Variants in ANAPC7 observed in about 807,000 individuals in gnomAD.
The protein encoded by ANAPC7 is anaphase-promoting complex subunit 7.
In ANAPC7, 25 loss-of-function variants were observed where a neutral mutation model predicts 63.3. The observed-to-expected ratio is 0.39, with a 90% CI of 0.29 to 0.55. The LOEUF (loss-of-function observed/expected upper bound fraction) is 0.55. Ranked by LOEUF, ANAPC7 falls within the 20% of genes least tolerant of loss-of-function variation. ANAPC7 has a pLI of 0.57. For synonymous variants in ANAPC7, 241 were observed against 251.7 expected, an observed-to-expected ratio of 0.96 and a Z score of 0.40; for missense variants, 516 against 691.7, an observed-to-expected ratio of 0.75 and a Z score of 2.85.
rs746900196 is a variant in ANAPC7, at chr12:110,387,789, C to T, written c.624G>A (p.Ala208=). The change falls in exon 5 of 11, where the codon GCG becomes GCA. Residue 208 remains alanine (A), a synonymous_variant. Transcript: ENST00000455511. Reference sequence around the variant, plus strand: ...TGTCACCAGTGTGCACAAAAGCATACGCTTTGATCCACACAGAGAGCCAGT... The same window carrying T: ...TGTCACCAGTGTGCACAAAAGCATATGCTTTGATCCACACAGAGAGCCAGT... ...NLDWLSVWIK[A]YAFVHTGDNS... 89 of 1,614,010 alleles carry T rather than the reference C, an allele frequency of 5.5e-5. No individual in the cohort carries two copies. The highest frequency in any genetic ancestry group is 8.9e-5 in the East Asian group (4 of 44,898).
chr12:110,398,694 C>A (rs2062178175), intron 1 of ANAPC7, among the ~76,000 whole-genome samples: 1 of 152,126 alleles, frequency 6.6e-6, no homozygotes. Flanking sequence ...GTGGCTCATG[C>A]CTGTTGTAAT....
chr12:110,378,859 A>AC (rs1881550783), intron 8 of ANAPC7: 1 of 136,496 alleles, frequency 7.3e-6, no homozygotes, highest in East Asian at 2.1e-4. Context: ...AACTCTAACT[A>AC]TTTTTTTTTT....
At chr12:110,375,588 A>C (rs1881190700) in intron 10 of ANAPC7, 1 of 773,746 alleles carries the variant, frequency 1.3e-6, no homozygotes, top group African/African-American at 1.9e-5. Context: ...ATATCTAATA[A>C]GGTAGCTAGA....
chr12:110,386,257 C>CAT (rs1246873689), intron 6 of ANAPC7, 70 bp downstream of exon 6: 1 of 1,586,610 alleles, frequency 6.3e-7, no homozygotes, highest in Non-Finnish European at 8.6e-7. Flanking sequence ...ATTAATGCTG[C>CAT]ATATTCTCCC....
At chr12:110,375,867 C>A in intron 10 of ANAPC7, 199 bp downstream of exon 10, 1 of 1,295,254 alleles carries the variant, frequency 7.7e-7, no homozygotes, top group Admixed American at 3.5e-5. Context: ...TGAAACAGTT[C>A]TCTAATGTTG....
chr12:110,386,683 AAT>A (rs1882483394), intron 5 of ANAPC7: 2 of 475,880 alleles, frequency 4.2e-6, no homozygotes, highest in African/African-American at 4.0e-5. Context: ...AGTACCAACA[AAT>A]AACTCTGTGG....
chr12:110,373,898 G>A lies in ANAPC7; in HGVS notation c.*246C>T, dbSNP rs1881022639. 3 of 418,458 alleles carry A rather than the reference G, an allele frequency of 7.2e-6. No homozygotes were observed. In the South Asian group the frequency reaches 2.6e-4, roughly 37 times the overall value. 25.9% of individuals were successfully genotyped at this position (418,458 alleles called of 1,614,324 possible). ...GCCCAGAAGCCCCAACATGTGCGTG[G>A]GTCTCGGGGCACTCCCTCAGTCCTC... On this transcript the variant is annotated 3_prime_UTR_variant, in exon 11 of 11. Transcript: ENST00000455511.
At chr12:110,377,902 A>C in intron 8 of ANAPC7, 2 of 1,016,286 alleles carry the variant, frequency 2.0e-6, no homozygotes, top group Non-Finnish European at 1.3e-6. Context: ...TGAGCACCCC[A>C]TCTGACCACT....
At position 110,403,678 on chromosome 12, in the gene ANAPC7, G is replaced by T. The variant is rs183056626; in HGVS notation, c.-51C>A. The T allele has an allele frequency of 9.0e-6, 14 of 1,556,688 alleles. No homozygotes were observed. Among genetic ancestry groups the T allele is most frequent in the East Asian group, 2.4e-5 (1 of 41,538 alleles). ...GGCGGCAGCACTGACTCGAAAAGCC[G>T]GTAGAGGATCCTTAGGGAAGACTCC... On this transcript the variant is annotated 5_prime_UTR_variant, in exon 1 of 11. Coordinates refer to ENST00000455511, the MANE Select transcript of ANAPC7 (RefSeq NM_016238.3).
rs536713543 is a variant in ANAPC7 at position 110,374,132 on chromosome 12, G to A, written c.*12C>T. The A allele has an allele frequency of 7.5e-6, 12 of 1,600,928 alleles. No individual in the cohort carries two copies. The East Asian group carries it at 2.2e-4, about 30-fold the overall frequency. The stretch of plus-strand genomic sequence containing the variant: ...CAGGGCAGGCCACTGCGGCCATGGA[G>A]CTGCCGCCCCCTCACTGCATGCCGA... On this transcript the variant is annotated 3_prime_UTR_variant, in exon 11 of 11. Transcript: ENST00000455511.
rs1163457826 is a variant in ANAPC7 at position 110,403,660 on chromosome 12, G to A, written c.-33C>T. 1.3e-6 allele frequency: 2 copies of A among 1,567,048 alleles called. No individual in the cohort carries two copies. Among genetic ancestry groups the A allele is most frequent in the African/African-American group, 1.3e-5 (1 of 74,080 alleles). On this transcript the variant is annotated 5_prime_UTR_variant, in exon 1 of 11. Coordinates refer to ENST00000455511, the MANE Select transcript of ANAPC7 (RefSeq NM_016238.3). The stretch of plus-strand genomic sequence containing the variant: ...TGCAAAGCCGCGGGCAGCGGCGGCA[G>A]CACTGACTCGAAAAGCCGGTAGAGG...
At chr12:110,375,947 T>C in intron 10 of ANAPC7, 119 bp downstream of exon 10, 1 of 1,362,494 alleles carries the variant, frequency 7.3e-7, no homozygotes, top group South Asian at 2.3e-5. Context: ...ATTACTATTA[T>C]TATTCTGCTT....
chr12:110,381,717 G>A (rs1406146963), intron 8 of ANAPC7, 35 bp downstream of exon 8: 1 of 1,601,518 alleles, frequency 6.2e-7, no homozygotes, highest in Non-Finnish European at 8.5e-7. Flanking sequence ...CCACACCCAC[G>A]GATTCACACC....
At position 110,395,150 on chromosome 12, in the gene ANAPC7, T is replaced by C. The variant is rs112381706; in HGVS notation, c.359A>G (p.Asp120Gly). 6.2e-7 allele frequency: 1 copy of C among 1,613,868 alleles called. No individual in the cohort carries two copies. The highest frequency in any genetic ancestry group is 2.2e-5 in the East Asian group (1 of 44,864). The change falls in exon 3 of 11, where the codon GAT becomes GGT. Residue 120 changes from aspartate to glycine, a missense_variant. Transcript: ENST00000455511. ...GATCCCATCAAGTATAGCAATGGCA[T>C]CTTTATCTTGTTTTAGCATTGTATA... Reference protein sequence around the residue: ...ECYTMLKQDKDAIAILDGIPS... With the variant: ...ECYTMLKQDKGAIAILDGIPS...
At chr12:110,379,881 G>C (rs559459812) in intron 8 of ANAPC7, among the ~76,000 whole-genome samples, 1 of 152,266 alleles carries the variant, frequency 6.6e-6, no homozygotes, top group African/African-American at 2.4e-5. Flanking sequence ...TGAACTCCCA[G>C]GGTCAATTCA....
intron 1 of ANAPC7, among the ~76,000 whole-genome samples, chr12:110,400,720 GC>G (rs1484918201): frequency 1.3e-5 from 2 of 151,938 alleles, no homozygotes; most frequent in Admixed American, 6.6e-5. Flanking sequence ...GTGGATGGTG[GC>G]AAAATGTGGG....
At chr12:110,392,816 A>C (rs536564871) in intron 3 of ANAPC7, among the ~76,000 whole-genome samples, 70 of 151,858 alleles carry the variant, frequency 4.6e-4, no homozygotes, top group African/African-American at 1.7e-3. Context: ...TTTTTTTGAG[A>C]TGGAGTTTCA....
intron 10 of ANAPC7, among the ~76,000 whole-genome samples, chr12:110,374,571 A>G (rs1881084198): frequency 2.0e-5 from 3 of 152,054 alleles, no homozygotes; most frequent in Admixed American, 6.6e-5. Context: ...TTCTCCACAA[A>G]TTTCTTAAAC....
intron 10 of ANAPC7, chr12:110,375,468 T>A: frequency 2.0e-6 from 2 of 985,182 alleles, no homozygotes; most frequent in Non-Finnish European, 2.4e-6. Flanking sequence ...AGAAACCACT[T>A]CTGTATTAAA....
Sources: gnomAD v4.1 joint callset for allele counts (sites outside exome capture counted in the v4.1 genomes callset) on GRCh38, gnomAD v4.1.1 for gene constraint, MANE v1.5 for transcripts, NCBI Gene and HGNC (gene_info 2026-07-23, HGNC 2026-07-21) for gene names.